Variants in DPYD observed in about 807,000 individuals in gnomAD.
DPYD encodes dihydropyrimidine dehydrogenase [NADP(+)].
In DPYD, 109 loss-of-function variants were observed where a neutral mutation model predicts 116.2. That is an observed-to-expected ratio of 0.94 (90% CI 0.80 to 1.10). The LOEUF is 1.10. Among genes scored for constraint, DPYD ranks in the 50% least tolerant of loss-of-function variants. The probability of loss-of-function intolerance (pLI) is 0.00; values close to 1 mark genes in which losing one functional copy is unlikely to be tolerated. For synonymous variants in DPYD, 440 were observed against 432.0 expected (o/e 1.02, Z -0.23); for missense variants, 1,302 against 1,254.5 (o/e 1.04, Z -0.57).
rs115844363 is a variant in DPYD, at chr1:97,725,802, A to T, written c.322-4131T>A. Reference sequence around the variant, plus strand: ...CAAACAAAAAAATGAACTAAAAGTAAATCATAGATCTGGGGGTCTGAGAGG... The same window carrying T: ...CAAACAAAAAAATGAACTAAAAGTATATCATAGATCTGGGGGTCTGAGAGG... On this transcript the variant is annotated intron_variant, in intron 4 of 22. Coordinates refer to ENST00000370192, the MANE Select transcript of DPYD (RefSeq NM_000110.4). Among the ~76,000 whole-genome samples, 625 of 151,788 alleles carry T rather than the reference A, an allele frequency of 4.1e-3. 1 individual carries two copies. The highest frequency in any genetic ancestry group is 5.9e-3 in the Non-Finnish European group (397 of 67,676).
intron 20 of DPYD, among the ~76,000 whole-genome samples, chr1:97,180,669 T>C (rs1263836255): frequency 6.6e-6 from 1 of 152,144 alleles, no homozygotes; most frequent in Non-Finnish European, 1.5e-5. Flanking sequence ...ACAACTTGTG[T>C]TGAATATGAA....
rs1187978356 is a variant in DPYD at position 97,258,489 on chromosome 1, T to G, written c.2300-23495A>C. ...GGAGTTCATAATTGTGATCTAAAAG[T>G]GATACCTGCTTAAGTTGACTTTTGC... On this transcript the variant is annotated intron_variant, in intron 18 of 22. Coordinates refer to ENST00000370192, the MANE Select transcript of DPYD (RefSeq NM_000110.4). Among the ~76,000 whole-genome samples the G allele has an allele frequency of 2.6e-5, 4 of 152,190 alleles. No homozygotes were observed. The East Asian group carries it at 7.7e-4, about 29-fold the overall frequency.
At chr1:97,378,064 GC>G (rs1406648475) in intron 15 of DPYD, among the ~76,000 whole-genome samples, 1 of 152,206 alleles carries the variant, frequency 6.6e-6, no homozygotes, top group Non-Finnish European at 1.5e-5. Flanking sequence ...TTTCCAAGTA[GC>G]AATGCTATCC....
At chr1:97,442,197 C>T (rs7517899) in intron 14 of DPYD, among the ~76,000 whole-genome samples, 9,025 of 151,836 alleles carry the variant, frequency 0.059, 346 homozygotes, top group East Asian at 0.14. Flanking sequence ...GAATTCTAGC[C>T]TCCTCAACTC....
intron 20 of DPYD, among the ~76,000 whole-genome samples, chr1:97,178,918 T>A (rs1468077093): frequency 1.3e-5 from 2 of 152,182 alleles, no homozygotes; most frequent in Non-Finnish European, 2.9e-5. Context: ...TGCCACTATC[T>A]CAGCATGAGA....
chr1:97,548,878 C>A (rs953583895), intron 12 of DPYD, among the ~76,000 whole-genome samples: 1 of 152,008 alleles, frequency 6.6e-6, no homozygotes, highest in Non-Finnish European at 1.5e-5. Context: ...ATGAACAGAT[C>A]AAACCATCTT....
intron 5 of DPYD, chr1:97,721,021 A>T: frequency 6.7e-7 from 1 of 1,482,760 alleles, no homozygotes; most frequent in Non-Finnish European, 9.1e-7. Flanking sequence ...TAAGTTCACA[A>T]AATCTAATGA....
intron 18 of DPYD, among the ~76,000 whole-genome samples, chr1:97,293,603 G>A (rs1424349858): frequency 6.6e-6 from 1 of 152,128 alleles, no homozygotes; most frequent in South Asian, 2.1e-4. Flanking sequence ...TTCTTACTAA[G>A]TTTCCAAAGC....
At chr1:97,402,074 T>G (rs1673408787) in intron 14 of DPYD, among the ~76,000 whole-genome samples, 2 of 152,154 alleles carry the variant, frequency 1.3e-5, no homozygotes, top group African/African-American at 4.8e-5. Context: ...CTAACTTTGT[T>G]CTTCTCCTTC....
chr1:97,918,671 A>T (rs569070488), intron 1 of DPYD, among the ~76,000 whole-genome samples: 1 of 152,168 alleles, frequency 6.6e-6, no homozygotes, highest in Non-Finnish European at 1.5e-5. Flanking sequence ...AAACAAAGAT[A>T]TTTCTTGGCT....
At chr1:97,180,223 A>G (rs1022473631) in intron 20 of DPYD, among the ~76,000 whole-genome samples, 18 of 152,150 alleles carry the variant, frequency 1.2e-4, no homozygotes, top group Admixed American at 9.2e-4. Flanking sequence ...AAAGCTCAAT[A>G]TAATTATAAT....
At position 97,299,353 on chromosome 1, in the gene DPYD, C is replaced by T. The variant is rs529961891; in HGVS notation, c.2299+5906G>A. Among the ~76,000 whole-genome samples the T allele has an allele frequency of 4.3e-4, 65 of 152,200 alleles. 1 individual carries two copies. The South Asian group carries it at 0.013, about 30-fold the overall frequency. ...TGCAAAGGTAAGTTTTCTTAATATG[C>T]TTGTCAGAGTTCTTTGGTTTACAAA... On this transcript the variant is annotated intron_variant, in intron 18 of 22. Coordinates refer to ENST00000370192, the MANE Select transcript of DPYD (RefSeq NM_000110.4).
intron 8 of DPYD, among the ~76,000 whole-genome samples, chr1:97,637,989 C>T (rs1382507728): frequency 6.6e-6 from 1 of 151,992 alleles, no homozygotes; most frequent in Non-Finnish European, 1.5e-5. Context: ...GCCTGATGAG[C>T]CCTTGGTGTT....
chr1:97,105,510 G>T (rs1277623975), intron 20 of DPYD, among the ~76,000 whole-genome samples: 1 of 152,060 alleles, frequency 6.6e-6, no homozygotes, highest in Non-Finnish European at 1.5e-5. Flanking sequence ...AAACAGGGTT[G>T]AGTTTCATGG....
At chr1:97,266,921 G>A (rs777677090) in intron 18 of DPYD, among the ~76,000 whole-genome samples, 3 of 152,056 alleles carry the variant, frequency 2.0e-5, no homozygotes, top group African/African-American at 7.2e-5. Flanking sequence ...TCTTAATCCA[G>A]TCTATCATTG....
intron 2 of DPYD, among the ~76,000 whole-genome samples, chr1:97,832,004 C>T (rs933877205): frequency 6.7e-6 from 1 of 149,904 alleles, no homozygotes; most frequent in African/African-American, 2.5e-5. Context: ...CAATTTGTAT[C>T]AGCAACCATG....
rs1438291187 is a variant in DPYD at position 97,245,374 on chromosome 1, G to A, written c.2300-10380C>T. 3.3e-5 allele frequency among the ~76,000 whole-genome samples: 5 copies of A among 152,132 alleles called. No individual in the cohort carries two copies. In the East Asian group the frequency reaches 9.7e-4, roughly 29 times the overall value. On this transcript the variant is annotated intron_variant, in intron 18 of 22. Coordinates refer to ENST00000370192, the MANE Select transcript of DPYD (RefSeq NM_000110.4). ...CATGCCTCAATCTCTCCAAATAAGA[G>A]CTTCTGGCAATGCTTTTTGCCTACA...
At chr1:97,633,744 C>T (rs1266994064) in intron 8 of DPYD, among the ~76,000 whole-genome samples, 1 of 152,044 alleles carries the variant, frequency 6.6e-6, no homozygotes, top group Non-Finnish European at 1.5e-5. Flanking sequence ...TGGTTAGATT[C>T]AGGGGCTTAT....
intron 18 of DPYD, among the ~76,000 whole-genome samples, chr1:97,291,243 T>C (rs1458750994): frequency 6.6e-6 from 1 of 152,050 alleles, no homozygotes; most frequent in Non-Finnish European, 1.5e-5. Flanking sequence ...TTGGTGGGAC[T>C]GTAAACTAGT....
Sources: allele counts gnomAD v4.1 joint callset (sites outside exome capture counted in the v4.1 genomes callset), GRCh38; gene constraint gnomAD v4.1.1; transcripts MANE v1.5; gene names NCBI Gene and HGNC (gene_info 2026-07-23, HGNC 2026-07-21).